ADAM12: variants seen among roughly 807,000 people sequenced by gnomAD.
The protein encoded by ADAM12 is ADAM metallopeptidase domain 12.
A neutral mutation model predicts 106.4 loss-of-function variants in ADAM12; 70 were observed. The observed-to-expected ratio is 0.66, with a 90% CI of 0.54 to 0.80. The LOEUF (loss-of-function observed/expected upper bound fraction) is 0.80, where lower values mean the gene tolerates loss of function less well. Among genes scored for constraint, ADAM12 ranks in the 30% least tolerant of loss-of-function variants. The pLI, the probability that ADAM12 is intolerant of heterozygous loss-of-function variation, is 0.00. For synonymous variants in ADAM12, 420 were observed against 433.5 expected (o/e 0.97, Z 0.39); for missense variants, 1,010 against 1,171.9 (o/e 0.86, Z 2.02).
At chr10:126,155,138 T>C in intron 4 of ADAM12, 89 bp downstream of exon 4, 4 of 1,413,796 alleles carry the variant, frequency 2.8e-6, no homozygotes, top group Non-Finnish European at 4.0e-6. Context: ...AATCTGGGCA[T>C]GTGATTTTGC....
chr10:126,333,072 C>T (rs529384597), intron 1 of ADAM12, among the ~76,000 whole-genome samples: 6 of 152,286 alleles, frequency 3.9e-5, no homozygotes, highest in African/African-American at 1.2e-4. Flanking sequence ...CACACCACGC[C>T]GAGAGTTACC....
At chr10:126,168,486 A>G (rs907768568) in intron 3 of ADAM12, among the ~76,000 whole-genome samples, 6 of 152,144 alleles carry the variant, frequency 3.9e-5, no homozygotes, top group African/African-American at 1.4e-4. Flanking sequence ...CCGAACCCAT[A>G]TTATGTACTC....
chr10:126,369,984 A>C (rs934415515), intron 1 of ADAM12, among the ~76,000 whole-genome samples: 4 of 152,184 alleles, frequency 2.6e-5, no homozygotes, highest in African/African-American at 9.7e-5. Flanking sequence ...CTCAGTCTGC[A>C]GGCCTTGATG....
intron 3 of ADAM12, among the ~76,000 whole-genome samples, chr10:126,271,557 G>C (rs1959176105): frequency 6.6e-6 from 1 of 152,196 alleles, no homozygotes; most frequent in Non-Finnish European, 1.5e-5. Context: ...TTGAGGCCAG[G>C]AGCTCAAGAC....
intron 3 of ADAM12, among the ~76,000 whole-genome samples, chr10:126,222,773 T>A (rs931260338): frequency 2.0e-5 from 3 of 152,172 alleles, no homozygotes; most frequent in African/African-American, 7.2e-5. Context: ...ATCTGCAATT[T>A]CACACTTTTA....
intron 20 of ADAM12, among the ~76,000 whole-genome samples, chr10:126,037,832 G>T (rs1163448617): frequency 6.6e-6 from 1 of 152,232 alleles, no homozygotes; most frequent in Admixed American, 6.5e-5. Flanking sequence ...AAGAGTAACA[G>T]TGGGCTAAAG....
At chr10:126,334,849 T>G (rs888965513) in intron 1 of ADAM12, among the ~76,000 whole-genome samples, 1 of 152,262 alleles carries the variant, frequency 6.6e-6, no homozygotes, top group Non-Finnish European at 1.5e-5. Context: ...CTCTAAGACA[T>G]ACACAGTGAA....
intron 2 of ADAM12, among the ~76,000 whole-genome samples, chr10:126,314,413 A>G (rs1246372737): frequency 6.6e-6 from 1 of 152,156 alleles, no homozygotes; most frequent in East Asian, 1.9e-4. Context: ...AGGGAGTGTT[A>G]GGGCTGCAGG....
chr10:126,144,854 G>A (rs2133699554), intron 4 of ADAM12, among the ~76,000 whole-genome samples: 1 of 152,298 alleles, frequency 6.6e-6, no homozygotes, highest in East Asian at 1.9e-4. Context: ...CCGACTGAGT[G>A]CCAGGCTCGG....
chr10:126,036,089 C>T, intron 21 of ADAM12, 57 bp downstream of exon 21: 1 of 1,322,746 alleles, frequency 7.6e-7, no homozygotes, highest in Non-Finnish European at 9.7e-7. Context: ...CACACATTAA[C>T]AAGTAGCAGA....
chr10:126,335,150 C>T (rs1184526730), intron 1 of ADAM12, among the ~76,000 whole-genome samples: 2 of 152,178 alleles, frequency 1.3e-5, no homozygotes, highest in African/African-American at 4.8e-5. Context: ...ATCACAACTC[C>T]ATATTGATCA....
At chr10:126,312,724 T>C (rs1252240932) in intron 2 of ADAM12, among the ~76,000 whole-genome samples, 1 of 152,218 alleles carries the variant, frequency 6.6e-6, no homozygotes, top group Non-Finnish European at 1.5e-5. Flanking sequence ...TTGTAGACTT[T>C]GCCCTTCTTC....
At position 126,388,326 on chromosome 10, in the gene ADAM12, A is replaced by T. The variant is rs1856755311; in HGVS notation, c.-181T>A. The T allele has an allele frequency of 2.0e-6, 2 of 997,398 alleles. No homozygotes were observed. Among genetic ancestry groups the T allele is most frequent in the Admixed American group, 4.6e-5 (1 of 21,516 alleles). The allele number at this position is 997,398 out of a possible 1,614,324, so 61.8% of individuals were successfully genotyped here. On this transcript the variant is annotated 5_prime_UTR_variant, in exon 1 of 23. Transcript: ENST00000448723. The surrounding 1 kb of genome is among the most constrained non-coding windows in gnomAD (Gnocchi z 4.4). ...TGAGCTCTTCTAGCCTTTCATTTTT[A>T]AAAAAGTTTCCCCCCGTGTGTGTGC...
At chr10:126,358,414 A>T (rs1255739689) in intron 1 of ADAM12, among the ~76,000 whole-genome samples, 1 of 152,230 alleles carries the variant, frequency 6.6e-6, no homozygotes, top group East Asian at 1.9e-4. Flanking sequence ...ATCTCATTAG[A>T]TGAAGAGAAA....
intron 14 of ADAM12, among the ~76,000 whole-genome samples, chr10:126,051,663 A>G (rs1487970705): frequency 3.3e-5 from 5 of 151,498 alleles, no homozygotes; most frequent in Non-Finnish European, 7.4e-5. Flanking sequence ...CCGGCCACCC[A>G]TCCATCCAGC....
chr10:126,168,304 A>G (rs1957060191), intron 3 of ADAM12, among the ~76,000 whole-genome samples: 1 of 149,208 alleles, frequency 6.7e-6, no homozygotes, highest in Non-Finnish European at 1.5e-5. Flanking sequence ...CTCTAGCAGT[A>G]GTATAGCAAC....
chr10:126,349,159 G>A (rs1438971139), intron 1 of ADAM12, among the ~76,000 whole-genome samples: 1 of 152,154 alleles, frequency 6.6e-6, no homozygotes, highest in Non-Finnish European at 1.5e-5. Flanking sequence ...ATATTTGAGG[G>A]GGAAAAGGAT....
intron 3 of ADAM12, among the ~76,000 whole-genome samples, chr10:126,189,201 C>T (rs1289657046): frequency 2.0e-5 from 3 of 152,132 alleles, no homozygotes; most frequent in Admixed American, 6.5e-5. Flanking sequence ...TGATGAAGGA[C>T]AAGGGCTCAC....
At chr10:126,102,766 C>G (rs138732262) in intron 8 of ADAM12, among the ~76,000 whole-genome samples, 115 of 152,334 alleles carry the variant, frequency 7.5e-4, no homozygotes, top group African/African-American at 2.7e-3. Context: ...TCAAGAATTG[C>G]ATGGCCCACG....
Sources: gnomAD v4.1 joint callset for allele counts (sites outside exome capture counted in the v4.1 genomes callset) on GRCh38, gnomAD v4.1.1 for gene constraint, Gnocchi (gnomAD v3.1) non-coding constraint, MANE v1.5 for transcripts, NCBI Gene and HGNC (gene_info 2026-07-23, HGNC 2026-07-21) for gene names.